The following IKBKB variants were observed in gnomAD, a reference collection of about 807,000 sequenced individuals.
IKBKB encodes the protein inhibitor of nuclear factor kappa B kinase subunit beta, also known as inhibitor of nuclear factor kappa-B kinase subunit beta.
IKBKB carries 42 observed loss-of-function variants against 113.6 expected under a neutral mutation model. That is an observed-to-expected ratio of 0.37 (90% CI 0.29 to 0.48). The LOEUF is 0.48. IKBKB is among the 20% of genes least tolerant of loss of function. IKBKB has a pLI of 0.99. For missense variants in IKBKB, 673 were observed against 939.7 expected (o/e 0.72, Z 3.71); for synonymous variants, 296 against 361.3 (o/e 0.82, Z 2.05).
chr8:42,317,235 C>T (rs936056785), intron 11 of IKBKB: 21 of 437,868 alleles, frequency 4.8e-5, no homozygotes, highest in Admixed American at 1.1e-4. Context: ...AAGGATGCTG[C>T]ACTTTCTTGA....
intron 5 of IKBKB, among the ~76,000 whole-genome samples, chr8:42,297,814 G>A (rs1481648681): frequency 1.3e-5 from 2 of 152,118 alleles, no homozygotes; most frequent in East Asian, 3.9e-4. Flanking sequence ...AGAATCACTT[G>A]AACCCGGGAG....
At chr8:42,300,964 C>G (rs1420240193) in intron 5 of IKBKB, among the ~76,000 whole-genome samples, 1 of 152,212 alleles carries the variant, frequency 6.6e-6, no homozygotes, top group African/African-American at 2.4e-5. Context: ...AAGTGATCCT[C>G]TCACCTCAGT....
Position 42,317,731 on chromosome 8 carries a change from G to C in IKBKB, c.1200G>C (p.Gln400His). The C allele has an allele frequency of 6.2e-7, 1 of 1,613,918 alleles. No individual in the cohort carries two copies. The highest frequency in any genetic ancestry group is 8.5e-7 in the Non-Finnish European group (1 of 1,179,800). ...FDNSKITYET[Q>H]ISPRPQPESV... is the part of the protein sequence containing the mutation. ...ACAGTAAAATCACCTATGAGACTCAGATCTCCCCACGGCCCCAACCTGAAA... is the reference window on the plus strand; with the variant it reads ...ACAGTAAAATCACCTATGAGACTCACATCTCCCCACGGCCCCAACCTGAAA... Residue 400 changes from glutamine to histidine, a missense_variant, in exon 12 of 22, where the codon CAG becomes CAC. Transcript: ENST00000520810.
At chr8:42,291,321 A>C (rs568895469) in intron 4 of IKBKB, among the ~76,000 whole-genome samples, 1 of 152,158 alleles carries the variant, frequency 6.6e-6, no homozygotes, top group Non-Finnish European at 1.5e-5. Context: ...AGCTGGGATT[A>C]TAGGCGCCCG....
intron 16 of IKBKB, 95 bp from the exon 17 acceptor site, chr8:42,321,801 T>C: frequency 1.2e-6 from 1 of 847,910 alleles, no homozygotes; most frequent in Non-Finnish European, 1.8e-6. Context: ...GAGACCAGCC[T>C]GGGCAACATG....
At chr8:42,326,664 C>T (rs1375447071) in intron 20 of IKBKB, among the ~76,000 whole-genome samples, 1 of 152,224 alleles carries the variant, frequency 6.6e-6, no homozygotes, top group Non-Finnish European at 1.5e-5. Flanking sequence ...ATAACAGCTT[C>T]TCCCTCCATT....
At chr8:42,288,547 G>A (rs1329898384) in intron 2 of IKBKB, 87 bp from the exon 3 acceptor site, 5 of 972,498 alleles carry the variant, frequency 5.1e-6, no homozygotes, top group Non-Finnish European at 7.7e-6. Context: ...GTAACGCTTG[G>A]GGCCTGGAGA....
At chr8:42,300,026 T>G (rs1352192315) in intron 5 of IKBKB, among the ~76,000 whole-genome samples, 2 of 152,218 alleles carry the variant, frequency 1.3e-5, no homozygotes, top group Non-Finnish European at 2.9e-5. Flanking sequence ...ATGTTTCCCA[T>G]TGTGTGCAGA....
At chr8:42,278,624 C>T (rs942296733) in intron 2 of IKBKB, among the ~76,000 whole-genome samples, 6 of 152,142 alleles carry the variant, frequency 3.9e-5, no homozygotes, top group Non-Finnish European at 7.3e-5. Flanking sequence ...TCACTGGCTC[C>T]GTCCCAGTGA....
intron 5 of IKBKB, chr8:42,298,034 A>G (rs1006631937): frequency 1.1e-6 from 1 of 947,514 alleles, no homozygotes; most frequent in Non-Finnish European, 1.3e-6. Context: ...GCTGGAAATG[A>G]TATGGACTGC....
At chr8:42,273,479 T>C (rs985805662) in intron 2 of IKBKB, among the ~76,000 whole-genome samples, 4 of 151,808 alleles carry the variant, frequency 2.6e-5, no homozygotes, top group African/African-American at 9.7e-5. Context: ...CCAGTATTGC[T>C]TGCGATACTG....
intron 9 of IKBKB, among the ~76,000 whole-genome samples, chr8:42,315,931 G>A (rs1380906199): frequency 6.6e-6 from 1 of 152,166 alleles, no homozygotes; most frequent in African/African-American, 2.4e-5. Flanking sequence ...CCCAAAGTGT[G>A]GGATTACAGG....
At chr8:42,329,016 C>T in intron 20 of IKBKB, 108 bp from the exon 21 acceptor site, 2 of 815,878 alleles carry the variant, frequency 2.5e-6, no homozygotes, top group Non-Finnish European at 3.8e-6. Flanking sequence ...ATAATTGTTA[C>T]TTCATTTAAA....
At position 42,331,558 on chromosome 8, in the gene IKBKB, C is replaced by G; in HGVS notation, c.*579C>G. The G allele has an allele frequency of 1.7e-6, 1 of 602,400 alleles. No individual in the cohort carries two copies. The allele number at this position is 602,400 out of a possible 1,614,324, so 37.3% of individuals were successfully genotyped here. On this transcript the variant is annotated 3_prime_UTR_variant, in exon 22 of 22. Transcript: ENST00000520810. ...AATTATAGTTGCGGCCTGGCCCCAT[C>G]CTCACTTCCTCTTTTTATTTCACTG...
At chr8:42,272,487 T>C (rs1807993816) in intron 2 of IKBKB, 2 of 509,840 alleles carry the variant, frequency 3.9e-6, no homozygotes, top group Admixed American at 7.3e-5. Context: ...CATGTACTAA[T>C]ATATACTGAT....
chr8:42,320,301 C>T (rs1485618304), intron 15 of IKBKB: 1 of 174,538 alleles, frequency 5.7e-6, no homozygotes. Context: ...CTGAGTGCTC[C>T]TCCCCATCTT....
chr8:42,298,976 TTC>T (rs1814535453), intron 5 of IKBKB, among the ~76,000 whole-genome samples: 1 of 152,070 alleles, frequency 6.6e-6, no homozygotes, highest in Non-Finnish European at 1.5e-5. Flanking sequence ...CTCCTCGACG[TTC>T]TGTTTCCCTG....
At chr8:42,320,523 T>TAA in intron 15 of IKBKB, 1 of 497,462 alleles carries the variant, frequency 2.0e-6, no homozygotes, top group Non-Finnish European at 3.6e-6. Flanking sequence ...TAGCTGGGGG[T>TAA]AAGTAACTTG....
chr8:42,310,045 A>T (rs191868941), intron 8 of IKBKB, among the ~76,000 whole-genome samples: 2 of 152,364 alleles, frequency 1.3e-5, no homozygotes, highest in Non-Finnish European at 2.9e-5. Flanking sequence ...CAGGATAAAT[A>T]TAGACCATTT....
Sources: gnomAD v4.1 joint callset for allele counts (sites outside exome capture counted in the v4.1 genomes callset) on GRCh38, gnomAD v4.1.1 for gene constraint, MANE v1.5 for transcripts, NCBI Gene and HGNC (gene_info 2026-07-23, HGNC 2026-07-21) for gene names.